PCDHA13: variants seen among roughly 807,000 people sequenced by gnomAD.
PCDHA13 encodes the protein protocadherin alpha 13, also known as protocadherin alpha-13.
In PCDHA13, 54 loss-of-function variants were observed where a neutral mutation model predicts 64.8. That is an observed-to-expected ratio of 0.83 (90% CI 0.67 to 1.04). The LOEUF (loss-of-function observed/expected upper bound fraction) is 1.04. PCDHA13 is among the 50% of genes least tolerant of loss of function. PCDHA13 has a pLI of 0.00. For missense variants in PCDHA13, 1,248 were observed against 1,254.3 expected (o/e 0.99, Z 0.08); for synonymous variants, 587 against 564.4 (o/e 1.04, Z -0.57).
intron 1 of PCDHA13, among the ~76,000 whole-genome samples, chr5:140,894,027 A>G (rs1251239546): frequency 6.6e-6 from 1 of 152,206 alleles, no homozygotes; most frequent in Non-Finnish European, 1.5e-5. Context: ...AGTTCTGCAT[A>G]CTGGTAATGT....
chr5:140,971,557 T>A (rs1483701815), intron 1 of PCDHA13, among the ~76,000 whole-genome samples: 5 of 152,150 alleles, frequency 3.3e-5, no homozygotes, highest in Non-Finnish European at 7.4e-5. Context: ...CCTGTTAAAT[T>A]CCCATGTTGG....
intron 3 of PCDHA13, among the ~76,000 whole-genome samples, chr5:140,986,473 CA>C (rs1217616254): frequency 6.6e-6 from 1 of 152,192 alleles, no homozygotes; most frequent in Non-Finnish European, 1.5e-5. Context: ...CTCTTGTGAT[CA>C]GTTCCTAGGG....
At position 140,882,174 on chromosome 5, in the gene PCDHA13, C is replaced by T. The variant is rs868925922; in HGVS notation, c.-95C>T. On this transcript the variant is annotated 5_prime_UTR_variant, in exon 1 of 4. Coordinates refer to ENST00000289272, the MANE Select transcript of PCDHA13 (RefSeq NM_018904.3). ...GCGGAATACCTCTTGCGAATCCTTC[C>T]GCACTAGGAAGCCATAAAAATTGGG... The T allele has an allele frequency of 6.6e-7, 1 of 1,514,752 alleles. No homozygotes were observed. 93.8% of individuals were successfully genotyped at this position (1,514,752 alleles called of 1,614,324 possible).
intron 1 of PCDHA13, among the ~76,000 whole-genome samples, chr5:140,888,286 C>T (rs1277980750): frequency 6.6e-6 from 1 of 152,080 alleles, no homozygotes; most frequent in African/African-American, 2.4e-5. Context: ...TCCCCTCTAC[C>T]CCCTACCCAG....
Position 140,884,589 on chromosome 5 carries a change from C to T in PCDHA13, c.2321C>T (p.Pro774Leu). The change falls in exon 1 of 4, where the codon CCC (proline) becomes CTC (leucine). Residue 774 changes from proline to leucine, a missense_variant. By Grantham distance (98) the Pro-to-Leu change is moderately conservative. Coordinates refer to ENST00000289272, the MANE Select transcript of PCDHA13 (RefSeq NM_018904.3). Reference protein sequence around the residue: ...PHKTDLMAFSPSLPPCLGSAE... With the variant: ...PHKTDLMAFSLSLPPCLGSAE... Reference sequence around the variant, plus strand: ...AAGACGGACCTCATGGCCTTCAGTCCCAGCCTTCCTCCTTGTCTGGGTTCT... The same window carrying T: ...AAGACGGACCTCATGGCCTTCAGTCTCAGCCTTCCTCCTTGTCTGGGTTCT... 1 of 1,614,146 alleles carries T rather than the reference C, an allele frequency of 6.2e-7. No homozygotes were observed. The highest frequency in any genetic ancestry group is 8.5e-7 in the Non-Finnish European group (1 of 1,180,012).
chr5:140,966,702 G>T, intron 1 of PCDHA13: 1 of 1,367,880 alleles, frequency 7.3e-7, no homozygotes. Flanking sequence ...GCCCGGGCGT[G>T]GGGCACGGCT....
chr5:140,927,418 C>T (rs1296760547), intron 1 of PCDHA13: 3 of 1,614,106 alleles, frequency 1.9e-6, no homozygotes, highest in Admixed American at 1.7e-5. Flanking sequence ...CATGGGATCG[C>T]GGGTTGACGG....
At chr5:140,884,977 A>C (rs782168505) in intron 1 of PCDHA13, among the ~76,000 whole-genome samples, 19 of 152,222 alleles carry the variant, frequency 1.2e-4, no homozygotes, top group Admixed American at 5.2e-4. Context: ...GAGAACTTAA[A>C]CATTTAGAAA....
intron 1 of PCDHA13, among the ~76,000 whole-genome samples, chr5:140,971,815 A>G (rs988959952): frequency 3.2e-4 from 49 of 152,166 alleles, no homozygotes; most frequent in African/African-American, 1.1e-3. Flanking sequence ...TATTGAATAC[A>G]TATATGATTT....
intron 3 of PCDHA13, among the ~76,000 whole-genome samples, chr5:141,000,387 CTCTCTCTCTA>C (rs1244377903): frequency 2.3e-3 from 152 of 66,802 alleles, no homozygotes; most frequent in African/African-American, 4.6e-3. Flanking sequence ...CTCTCTCTCT[CTCTCTCTCTA>C]TATATATATA....
chr5:140,910,864 A>G (rs2153516118), intron 1 of PCDHA13, among the ~76,000 whole-genome samples: 1 of 152,266 alleles, frequency 6.6e-6, no homozygotes, highest in Non-Finnish European at 1.5e-5. Context: ...TCCATCCACC[A>G]TTATCCCACA....
chr5:140,966,732 G>T (rs2153748727), intron 1 of PCDHA13: 1 of 1,415,600 alleles, frequency 7.1e-7, no homozygotes, highest in African/African-American at 1.5e-5. Context: ...GCCGCCTCCG[G>T]CCCTGCCCGG....
intron 1 of PCDHA13, chr5:140,927,596 G>A (rs374002981): frequency 2.5e-6 from 4 of 1,614,044 alleles, no homozygotes; most frequent in African/African-American, 2.7e-5. Context: ...GTATTTGAGC[G>A]CTCCGTATAC....
Position 140,884,505 on chromosome 5 carries a change from G to A in PCDHA13, c.2237G>A (p.Gly746Glu). The A allele has an allele frequency of 6.2e-7, 1 of 1,614,170 alleles. No homozygotes were observed. ...KPTLVCSSAA[G>E]SWSYSQQRRP... ...ACTCTAGTGTGCTCCAGCGCGGCAG[G>A]GAGTTGGTCGTACTCGCAGCAGAGG... Residue 746 changes from glycine to glutamate, a missense_variant, in exon 1 of 4, where the codon GGG (glycine) becomes GAG (glutamate). Coordinates refer to ENST00000289272, the MANE Select transcript of PCDHA13 (RefSeq NM_018904.3).
intron 1 of PCDHA13, among the ~76,000 whole-genome samples, chr5:140,962,088 T>C (rs893852980): frequency 6.6e-6 from 1 of 152,092 alleles, no homozygotes; most frequent in Non-Finnish European, 1.5e-5. Flanking sequence ...GGTTTCACCA[T>C]GTTAGCCAGG....
At chr5:140,948,897 T>C (rs1487067374) in intron 1 of PCDHA13, among the ~76,000 whole-genome samples, 1 of 151,680 alleles carries the variant, frequency 6.6e-6, no homozygotes. Context: ...AGATTTTAAG[T>C]GGATTCTTAG....
At chr5:140,944,354 A>G (rs2093646021) in intron 1 of PCDHA13, among the ~76,000 whole-genome samples, 1 of 151,968 alleles carries the variant, frequency 6.6e-6, no homozygotes, top group South Asian at 2.1e-4. Flanking sequence ...CACCTGGCTA[A>G]TTTTTAATTT....
intron 1 of PCDHA13, among the ~76,000 whole-genome samples, chr5:140,932,481 C>T (rs945796094): frequency 6.6e-6 from 1 of 151,842 alleles, no homozygotes; most frequent in African/African-American, 2.4e-5. Flanking sequence ...AGGATATCTC[C>T]TCTTTGCAAT....
In PCDHA13 at chr5:141,007,955, C is replaced by T. The variant is rs192197811; in HGVS notation, c.2543-1672C>T. ...CTAAGCCACCTTTTTGAGAACTGCT[C>T]ATTCTCTGGGTGTCTGTCATGTATA... On this transcript the variant is annotated intron_variant, in intron 3 of 3. Transcript: ENST00000289272. 2.6e-5 allele frequency among the ~76,000 whole-genome samples: 4 copies of T among 152,294 alleles called. No homozygotes were observed. In the East Asian group the frequency reaches 7.7e-4, roughly 29 times the overall value.
Sources: gnomAD v4.1 joint callset for allele counts (sites outside exome capture counted in the v4.1 genomes callset) on GRCh38, gnomAD v4.1.1 for gene constraint, MANE v1.5 for transcripts, NCBI Gene and HGNC (gene_info 2026-07-23, HGNC 2026-07-21) for gene names.